EIF2B3: variants seen among roughly 807,000 people sequenced by gnomAD.
EIF2B3 encodes the protein translation initiation factor eIF2B subunit gamma.
A neutral mutation model predicts 54.1 loss-of-function variants in EIF2B3; 20 were observed. The observed-to-expected ratio is 0.37, with a 90% CI of 0.26 to 0.54. The LOEUF (loss-of-function observed/expected upper bound fraction) is 0.54. Among genes scored for constraint, EIF2B3 ranks in the 20% least tolerant of loss-of-function variants. The pLI, the probability that EIF2B3 is intolerant of heterozygous loss-of-function variation, is 0.86. For missense variants in EIF2B3, 448 were observed against 547.8 expected, an observed-to-expected ratio of 0.82 and a Z score of 1.82; for synonymous variants, 153 against 188.1, an observed-to-expected ratio of 0.81 and a Z score of 1.52.
chr1:44,900,372 G>A (rs548760153), intron 5 of EIF2B3, among the ~76,000 whole-genome samples: 198 of 151,152 alleles, frequency 1.3e-3, no homozygotes, highest in African/African-American at 3.6e-3. Context: ...GCTTGCACCC[G>A]GGAGGTAGAG....
rs1017288182 is a variant in EIF2B3, at chr1:44,958,978, G to A, written c.295-17313C>T. 7.9e-6 allele frequency: 6 copies of A among 756,728 alleles called. No homozygotes were observed. The African/African-American group carries it at 8.7e-5, about 11-fold the overall frequency. 46.9% of individuals were successfully genotyped at this position (756,728 alleles called of 1,614,324 possible). A position where few individuals can be genotyped will look rare whatever the true frequency, so the allele number is the denominator to read the frequency against. On this transcript the variant is annotated intron_variant, in intron 3 of 11. Coordinates refer to ENST00000360403, the MANE Select transcript of EIF2B3 (RefSeq NM_020365.5). ...GATGTAGAATTGACCTCTATGAAAG[G>A]GGAAGTCACCTCCATGAAGAAAGTG...
chr1:44,984,339 G>C (rs1644546509), intron 1 of EIF2B3, among the ~76,000 whole-genome samples: 1 of 151,848 alleles, frequency 6.6e-6, no homozygotes, highest in African/African-American at 2.4e-5. Context: ...TAAAAAATTA[G>C]CCAGGTATGG....
intron 2 of EIF2B3, 65 bp downstream of exon 2, chr1:44,980,956 C>T: frequency 1.9e-6 from 3 of 1,600,210 alleles, no homozygotes; most frequent in Non-Finnish European, 1.7e-6. Context: ...ATAACGCTGA[C>T]AAATCATGGG....
chr1:44,970,839 G>A (rs1307540676), intron 3 of EIF2B3, among the ~76,000 whole-genome samples: 1 of 152,154 alleles, frequency 6.6e-6, no homozygotes, highest in East Asian at 1.9e-4. Flanking sequence ...ACTCCTGGTT[G>A]GAAGGCAATC....
chr1:44,914,196 T>C (rs1410766173), intron 5 of EIF2B3, among the ~76,000 whole-genome samples: 1 of 151,396 alleles, frequency 6.6e-6, no homozygotes, highest in African/African-American at 2.4e-5. Flanking sequence ...GTTCCACTCT[T>C]GTTGCCCAAG....
intron 6 of EIF2B3, among the ~76,000 whole-genome samples, chr1:44,884,128 C>T (rs1030588104): frequency 8.5e-5 from 13 of 152,132 alleles, no homozygotes; most frequent in Non-Finnish European, 1.0e-4. Flanking sequence ...TGTGAGCCAC[C>T]GCACCTGGCT....
Position 44,973,178 on chromosome 1 carries a change from T to C in EIF2B3, c.294+5137A>G, listed in dbSNP as rs541262142. Among the ~76,000 whole-genome samples, 5 of 152,294 alleles carry C rather than the reference T, an allele frequency of 3.3e-5. No individual in the cohort carries two copies. The East Asian group carries it at 9.6e-4, about 29-fold the overall frequency. ...AATTAAACACAGAAATAGCATATAATCCAGCAACTACATTTCTCAGTATAA... is the reference window on the plus strand; with the variant it reads ...AATTAAACACAGAAATAGCATATAACCCAGCAACTACATTTCTCAGTATAA... On this transcript the variant is annotated intron_variant, in intron 3 of 11. Coordinates refer to ENST00000360403, the MANE Select transcript of EIF2B3 (RefSeq NM_020365.5).
intron 3 of EIF2B3, among the ~76,000 whole-genome samples, chr1:44,958,079 T>G (rs1378191034): frequency 6.6e-6 from 1 of 152,202 alleles, no homozygotes; most frequent in Non-Finnish European, 1.5e-5. Flanking sequence ...GAGTAAAATA[T>G]GTACAATGAC....
chr1:44,854,938 G>A (rs897425774), intron 11 of EIF2B3, among the ~76,000 whole-genome samples: 17 of 152,044 alleles, frequency 1.1e-4, no homozygotes, highest in Non-Finnish European at 5.9e-5. Flanking sequence ...ACCCCTTCAT[G>A]TGAGGAAGAC....
chr1:44,871,147 C>A (rs1654952796), intron 10 of EIF2B3, among the ~76,000 whole-genome samples: 1 of 152,222 alleles, frequency 6.6e-6, no homozygotes, highest in Admixed American at 6.5e-5. Flanking sequence ...GAATAGCACA[C>A]CAGAAATCTC....
intron 10 of EIF2B3, among the ~76,000 whole-genome samples, chr1:44,858,059 C>A (rs1654491714): frequency 6.7e-6 from 1 of 149,408 alleles, no homozygotes; most frequent in African/African-American, 2.4e-5. Context: ...ATTCTGACTT[C>A]ACTTCAGTTC....
At chr1:44,880,265 C>T (rs1456647779) in intron 7 of EIF2B3, among the ~76,000 whole-genome samples, 1 of 152,056 alleles carries the variant, frequency 6.6e-6, no homozygotes, top group Non-Finnish European at 1.5e-5. Context: ...TGAAACTCAC[C>T]CACAAAACAT....
At chr1:44,918,141 G>A (rs943412077) in intron 5 of EIF2B3, among the ~76,000 whole-genome samples, 31 of 140,810 alleles carry the variant, frequency 2.2e-4, no homozygotes, top group African/African-American at 7.7e-4. Flanking sequence ...GCAGTGCAGT[G>A]GCACAATCTT....
intron 4 of EIF2B3, among the ~76,000 whole-genome samples, chr1:44,930,134 C>T (rs573191199): frequency 6.6e-6 from 1 of 152,158 alleles, no homozygotes; most frequent in Admixed American, 6.5e-5. Context: ...GTCTCATCTA[C>T]AGGCATTTTG....
intron 4 of EIF2B3, among the ~76,000 whole-genome samples, chr1:44,928,787 A>G (rs1027497052): frequency 1.1e-4 from 16 of 152,302 alleles, no homozygotes; most frequent in Admixed American, 8.5e-4. Flanking sequence ...TCTATCTCCC[A>G]TAACATCTAG....
chr1:44,956,651 A>G (rs952199368), intron 3 of EIF2B3, among the ~76,000 whole-genome samples: 2 of 152,190 alleles, frequency 1.3e-5, no homozygotes, highest in Non-Finnish European at 2.9e-5. Flanking sequence ...ATATGTGTGT[A>G]TATAAATTGA....
chr1:44,965,066 C>T (rs1422403833), intron 3 of EIF2B3, among the ~76,000 whole-genome samples: 2 of 152,106 alleles, frequency 1.3e-5, no homozygotes, highest in African/African-American at 2.4e-5. Context: ...GCTCACAGAC[C>T]GCACCTTTAC....
rs774348558 is a variant in EIF2B3 at position 44,880,014 on chromosome 1, GAACA to G, written c.785-10_785-7del. 1.2e-6 allele frequency: 2 copies of G among 1,613,832 alleles called. No homozygotes were observed. The highest frequency in any genetic ancestry group is 2.7e-5 in the African/African-American group (2 of 74,914). ...TTTTATAAAACTGTAGATATCTTCA[GAACA>G]AACACCCAACCAAGGAAATAAATGA... On this transcript the variant is annotated splice_polypyrimidine_tract_variant and splice_region_variant and intron_variant, in intron 7 of 11. Coordinates refer to ENST00000360403, the MANE Select transcript of EIF2B3 (RefSeq NM_020365.5).
chr1:44,860,392 GC>G (rs1351954747), intron 10 of EIF2B3, among the ~76,000 whole-genome samples: 1 of 152,140 alleles, frequency 6.6e-6, no homozygotes, highest in Non-Finnish European at 1.5e-5. Context: ...CAGTGTCCTG[GC>G]CCCCCATCAA....
Sources: allele counts gnomAD v4.1 joint callset (sites outside exome capture counted in the v4.1 genomes callset), GRCh38; gene constraint gnomAD v4.1.1; transcripts MANE v1.5; gene names NCBI Gene and HGNC (gene_info 2026-07-23, HGNC 2026-07-21).